Variants in METTL2A observed in about 807,000 individuals in gnomAD.
METTL2A encodes tRNA N(3)-cytidine methyltransferase METTL2A.
In METTL2A, 45 loss-of-function variants were observed where a neutral mutation model predicts 49.4. The observed-to-expected ratio is 0.91, with a 90% CI of 0.72 to 1.17. The LOEUF is 1.17. Ranked by LOEUF, METTL2A falls within the 50% of genes most tolerant of loss-of-function variation. METTL2A has a pLI of 0.00. For synonymous variants in METTL2A, 118 were observed against 167.5 expected, an observed-to-expected ratio of 0.70 and a Z score of 2.28; for missense variants, 361 against 462.2, an observed-to-expected ratio of 0.78 and a Z score of 2.01.
At chr17:62,433,580 A>G (rs1191446713) in intron 4 of METTL2A, among the ~76,000 whole-genome samples, 1 of 151,734 alleles carries the variant, frequency 6.6e-6, no homozygotes, top group Middle Eastern at 3.2e-3. Context: ...TCTCTCCTAA[A>G]AATACAAAAA....
intron 5 of METTL2A, among the ~76,000 whole-genome samples, chr17:62,435,751 C>T (rs781552620): frequency 1.3e-5 from 2 of 152,172 alleles, no homozygotes; most frequent in East Asian, 1.9e-4. Flanking sequence ...CATTCCATTT[C>T]TCTCCCTCTC....
In METTL2A at chr17:62,426,323, A is replaced by T; in HGVS notation, c.227A>T (p.Lys76Ile). ...GTTGATTATGAGATCAATGCCCACAAATACTGGAATGACTTCTACAAAATC... is the reference window on the plus strand; with the variant it reads ...GTTGATTATGAGATCAATGCCCACATATACTGGAATGACTTCTACAAAATC... Reference protein sequence around the residue: ...KQVDYEINAHKYWNDFYKIHE... With the variant: ...KQVDYEINAHIYWNDFYKIHE... The change falls in exon 3 of 9, where the codon AAA (lysine) becomes ATA (isoleucine). Residue 76 changes from lysine to isoleucine, a missense_variant. Physicochemically the swap from Lys to Ile is moderately radical, Grantham distance 102. Around this residue, in one of 3 missense-constraint regions of METTL2A, gnomAD observed 150 missense variants for 170.1 expected, o/e 0.88. Transcript: ENST00000311506. 6.2e-7 allele frequency: 1 copy of T among 1,609,752 alleles called. No individual in the cohort carries two copies. The highest frequency in any genetic ancestry group is 8.5e-7 in the Non-Finnish European group (1 of 1,176,710).
chr17:62,447,579 C>T (rs778332814), intron 7 of METTL2A, 122 bp from the exon 8 acceptor site: 10 of 1,017,202 alleles, frequency 9.8e-6, no homozygotes, highest in African/African-American at 3.2e-5. Flanking sequence ...CTGCTCTTCC[C>T]GAAGCACTGA....
chr17:62,424,687 T>C (rs1567732916), intron 2 of METTL2A, among the ~76,000 whole-genome samples: 1 of 152,018 alleles, frequency 6.6e-6, no homozygotes, highest in Non-Finnish European at 1.5e-5. Context: ...TGAAGCTTCA[T>C]TGAAGTGATT....
chr17:62,440,813 C>G (rs371259260), intron 6 of METTL2A, 57 bp downstream of exon 6: 5 of 1,560,004 alleles, frequency 3.2e-6, no homozygotes, highest in East Asian at 2.3e-5. Flanking sequence ...GGTGAGGGAC[C>G]TTTTTTTTTA....
intron 6 of METTL2A, 102 bp downstream of exon 6, chr17:62,440,858 T>A: frequency 7.0e-7 from 1 of 1,437,466 alleles, no homozygotes; most frequent in Non-Finnish European, 9.5e-7. Context: ...CAGGCTGGAG[T>A]GCAGTGGCAC....
chr17:62,428,827 C>T (rs1053968235), intron 4 of METTL2A, among the ~76,000 whole-genome samples: 2 of 152,178 alleles, frequency 1.3e-5, no homozygotes, highest in African/African-American at 2.4e-5. Context: ...TCTGTCATCC[C>T]GACTAGCGCA....
intron 5 of METTL2A, 94 bp downstream of exon 5, chr17:62,435,386 C>T: frequency 1.3e-6 from 2 of 1,559,438 alleles, no homozygotes; most frequent in African/African-American, 2.7e-5. Context: ...TGTTCTTATA[C>T]AGTCTGTGTT....
intron 4 of METTL2A, among the ~76,000 whole-genome samples, chr17:62,433,742 CAA>C (rs907463434): frequency 2.2e-4 from 27 of 124,106 alleles, no homozygotes; most frequent in Non-Finnish European, 1.7e-4. Context: ...CCTCGTGTCT[CAA>C]AAAAAAAAAA....
intron 5 of METTL2A, among the ~76,000 whole-genome samples, chr17:62,440,358 T>C (rs1222997445): frequency 6.6e-6 from 1 of 152,112 alleles, no homozygotes; most frequent in East Asian, 1.9e-4. Flanking sequence ...GCAATTACTT[T>C]TTCACCAATC....
intron 8 of METTL2A, 34 bp downstream of exon 8, chr17:62,447,800 C>T: frequency 1.9e-6 from 3 of 1,612,282 alleles, no homozygotes; most frequent in Non-Finnish European, 2.5e-6. Context: ...ACTAAAAGTC[C>T]CCAGTACCAG....
In METTL2A at chr17:62,447,548, T is replaced by A. The variant is rs188189584; in HGVS notation, c.917-153T>A. Among the ~76,000 whole-genome samples the A allele has an allele frequency of 2.9e-3, 449 of 152,292 alleles. 3 individuals are homozygous for A. Among genetic ancestry groups the A allele is most frequent in the Non-Finnish European group, 2.7e-3 (185 of 68,020 alleles). ...CTTAGGAACGTCATGTTTTCTGACATTGTGACTTACTCCTGTTGAGCTGCT... is the reference window on the plus strand; with the variant it reads ...CTTAGGAACGTCATGTTTTCTGACAATGTGACTTACTCCTGTTGAGCTGCT... On this transcript the variant is annotated intron_variant, in intron 7 of 8. Coordinates refer to ENST00000311506, the MANE Select transcript of METTL2A (RefSeq NM_181725.4).
Position 62,447,709 on chromosome 17 carries a change from C to T in METTL2A, c.925C>T (p.Leu309=), listed in dbSNP as rs1357187132. 2 of 1,614,128 alleles carry T rather than the reference C, an allele frequency of 1.2e-6. No homozygotes were observed. Among genetic ancestry groups the T allele is most frequent in the Admixed American group, 3.3e-5 (2 of 60,012 alleles). The change falls in exon 8 of 9, where the codon CTA becomes TTA. Residue 309 remains leucine, a synonymous_variant. Transcript: ENST00000311506. ...AACACATCACTCTGCAGGTCAGTGT[C>T]TATCTGGAAATTTCTACGTGAGAGG... is the stretch of plus-strand genomic sequence containing the variant. ...AQLRFKKGQC[L]SGNFYVRGDG...
At chr17:62,438,870 G>A (rs554776778) in intron 5 of METTL2A, among the ~76,000 whole-genome samples, 2 of 152,066 alleles carry the variant, frequency 1.3e-5, no homozygotes, top group Non-Finnish European at 2.9e-5. Context: ...CTGGAGTGCG[G>A]TGGTACAATC....
At chr17:62,426,119 G>A (rs1363063915) in intron 2 of METTL2A, among the ~76,000 whole-genome samples, 180 bp from the exon 3 acceptor site, 1 of 152,190 alleles carries the variant, frequency 6.6e-6, no homozygotes, top group Non-Finnish European at 1.5e-5. Context: ...GGGCATTAGG[G>A]TATAATGCCA....
chr17:62,429,494 T>C (rs1466139374), intron 4 of METTL2A, among the ~76,000 whole-genome samples: 1 of 151,982 alleles, frequency 6.6e-6, no homozygotes, highest in Non-Finnish European at 1.5e-5. Context: ...TTTCACCACA[T>C]TGGCCAGGCT....
intron 4 of METTL2A, among the ~76,000 whole-genome samples, chr17:62,433,110 G>C (rs1013099771): frequency 1.3e-5 from 2 of 152,106 alleles, no homozygotes; most frequent in Non-Finnish European, 2.9e-5. Context: ...TGGATACCAA[G>C]GGACAACTAT....
rs1448749303 is a variant in METTL2A at position 62,432,009 on chromosome 17, G to A, written c.609-3223G>A. Among the ~76,000 whole-genome samples, 7 of 152,010 alleles carry A rather than the reference G, an allele frequency of 4.6e-5. No individual in the cohort carries two copies. The South Asian group carries it at 8.3e-4, about 18-fold the overall frequency. On this transcript the variant is annotated intron_variant, in intron 4 of 8. Coordinates refer to ENST00000311506, the MANE Select transcript of METTL2A (RefSeq NM_181725.4). The stretch of plus-strand genomic sequence containing the variant: ...GCTGGGATTACAGGCGTGAGCCACC[G>A]CACCTGGCCGTAATACAGTGGTTTT...
chr17:62,425,813 A>G (rs2070620917), intron 2 of METTL2A, among the ~76,000 whole-genome samples: 3 of 149,058 alleles, frequency 2.0e-5, no homozygotes, highest in Non-Finnish European at 1.5e-5. Flanking sequence ...ATCCTGGCTA[A>G]CACGGTGAAA....
Sources: allele counts gnomAD v4.1 joint callset (sites outside exome capture counted in the v4.1 genomes callset), GRCh38; gene constraint gnomAD v4.1.1; regional missense constraint gnomAD v4.1.1; transcripts MANE v1.5; gene names NCBI Gene and HGNC (gene_info 2026-07-23, HGNC 2026-07-21).